Variants in VPS8 observed in about 807,000 individuals in gnomAD.
The protein encoded by VPS8 is vacuolar protein sorting-associated protein 8 homolog.
VPS8 carries 129 observed loss-of-function variants against 216.4 expected under a neutral mutation model. The ratio of observed to expected loss-of-function variants is 0.60; its 90% CI spans 0.52 to 0.69. VPS8 has a LOEUF of 0.69. Ranked by LOEUF, VPS8 falls within the 30% of genes least tolerant of loss-of-function variation. The pLI, the probability that VPS8 is intolerant of heterozygous loss-of-function variation, is 0.00. For missense variants in VPS8, 1,531 were observed against 1,683.5 expected (o/e 0.91, Z 1.59); for synonymous variants, 571 against 565.4 (o/e 1.01, Z -0.14).
At chr3:184,981,940 A>G (rs12496414) in intron 40 of VPS8, among the ~76,000 whole-genome samples, 104,312 of 150,822 alleles carry the variant, frequency 0.69, 38,753 homozygotes, top group East Asian at 0.85. Flanking sequence ...ATAGTGATTA[A>G]CATAATATAA....
intron 21 of VPS8, among the ~76,000 whole-genome samples, chr3:184,871,509 T>G (rs1728346293): frequency 6.6e-6 from 1 of 152,164 alleles, no homozygotes; most frequent in Admixed American, 6.6e-5. Context: ...CAGGCTACAG[T>G]GGTCTCTGTC....
At chr3:185,016,027 C>T (rs1177735350) in intron 45 of VPS8, among the ~76,000 whole-genome samples, 3 of 152,194 alleles carry the variant, frequency 2.0e-5, no homozygotes, top group African/African-American at 7.2e-5. Context: ...TGATTAGCTG[C>T]AGCTCTGCCT....
At position 184,913,642 on chromosome 3, in the gene VPS8, A is replaced by G. The variant is rs78163719; in HGVS notation, c.2189+81A>G. 2.0e-3 allele frequency: 2,316 copies of G among 1,178,880 alleles called. 46 individuals are homozygous for G. In the African/African-American group the frequency reaches 0.032, roughly 16 times the overall value. 73.0% of individuals were successfully genotyped at this position (1,178,880 alleles called of 1,614,324 possible). Reference sequence around the variant, plus strand: ...ATTTTTAGAGATACTATGATCTCTTATCTATATAGTACTTTTAATTTTGCA... The same window carrying G: ...ATTTTTAGAGATACTATGATCTCTTGTCTATATAGTACTTTTAATTTTGCA... On this transcript the variant is annotated intron_variant, in intron 26 of 47. Transcript: ENST00000625842.
intron 45 of VPS8, among the ~76,000 whole-genome samples, chr3:185,008,653 A>G (rs542055169): frequency 6.6e-6 from 1 of 152,288 alleles, no homozygotes; most frequent in Non-Finnish European, 1.5e-5. Flanking sequence ...CAGCCATGTG[A>G]AAAACATTTT....
At chr3:184,884,962 G>A (rs1730942897) in intron 21 of VPS8, among the ~76,000 whole-genome samples, 2 of 152,180 alleles carry the variant, frequency 1.3e-5, no homozygotes, top group Admixed American at 6.5e-5. Flanking sequence ...CTAGCCCACT[G>A]TATTCTCAGT....
chr3:184,919,161 G>A (rs1020684913), intron 28 of VPS8: 2 of 152,322 alleles, frequency 1.3e-5, no homozygotes, highest in Middle Eastern at 3.4e-3. Flanking sequence ...TTAAAGAACA[G>A]TAACTACTCT....
chr3:184,990,594 A>G (rs2109825714), intron 42 of VPS8, among the ~76,000 whole-genome samples: 1 of 152,314 alleles, frequency 6.6e-6, no homozygotes, highest in East Asian at 1.9e-4. Flanking sequence ...CTCATGAGAA[A>G]AGTGCCACTC....
chr3:184,879,221 A>C (rs1483035962), intron 21 of VPS8, among the ~76,000 whole-genome samples: 1 of 152,208 alleles, frequency 6.6e-6, no homozygotes. Flanking sequence ...CTGTCAGCTC[A>C]GTTTTTTATT....
rs572150233 is a variant in VPS8 at position 185,012,276 on chromosome 3, A to G, written c.4003-12060A>G. 1.8e-4 allele frequency among the ~76,000 whole-genome samples: 27 copies of G among 147,814 alleles called. No homozygotes were observed. The East Asian group carries it at 4.5e-3, about 25-fold the overall frequency. On this transcript the variant is annotated intron_variant, in intron 45 of 47. Coordinates refer to ENST00000625842, the MANE Select transcript of VPS8 (RefSeq NM_001009921.3). Reference sequence around the variant, plus strand: ...TATAAATTATAGATATATAATGTACATATATCTATAATTTATATATTATAT... The same window carrying G: ...TATAAATTATAGATATATAATGTACGTATATCTATAATTTATATATTATAT...
chr3:184,824,827 T>C (rs759786780), intron 2 of VPS8, 42 bp downstream of exon 2: 10 of 1,547,634 alleles, frequency 6.5e-6, no homozygotes, highest in Non-Finnish European at 5.3e-6. Context: ...GTTTAACCAG[T>C]GTAGATTAGA....
intron 40 of VPS8, among the ~76,000 whole-genome samples, chr3:184,973,454 G>A (rs1291232028): frequency 6.6e-6 from 1 of 152,004 alleles, no homozygotes; most frequent in Admixed American, 6.6e-5. Context: ...ATATTCGTGG[G>A]GTTAATGTGA....
intron 14 of VPS8, among the ~76,000 whole-genome samples, chr3:184,859,299 T>C (rs1489130336): frequency 6.6e-6 from 1 of 152,216 alleles, no homozygotes; most frequent in Admixed American, 6.5e-5. Context: ...CCATAAACTT[T>C]TATTAAGCAT....
rs1417799285 is a variant in VPS8 at position 184,826,220 on chromosome 3, A to G, written c.211A>G (p.Ile71Val). 2 of 1,609,956 alleles carry G rather than the reference A, an allele frequency of 1.2e-6. No homozygotes were observed. Among genetic ancestry groups the G allele is most frequent in the East Asian group, 2.2e-5 (1 of 44,832 alleles). ...TGATACTCCTCCAACACTGGAAAGC[A>G]TACTAAATGAGGTAAGTGAATATTA... Reference protein sequence around the residue: ...QVDTPPTLESILNETDDEDES... With the variant: ...QVDTPPTLESVLNETDDEDES... Residue 71 changes from isoleucine to valine, a missense_variant, in exon 3 of 48, where the codon ATA (isoleucine) becomes GTA (valine). Coordinates refer to ENST00000625842, the MANE Select transcript of VPS8 (RefSeq NM_001009921.3).
At chr3:185,002,694 C>T (rs1482140281) in intron 45 of VPS8, among the ~76,000 whole-genome samples, 1 of 152,166 alleles carries the variant, frequency 6.6e-6, no homozygotes, top group East Asian at 1.9e-4. Context: ...TAAATGAGAA[C>T]ATAAGATGCT....
At chr3:184,826,524 C>T (rs1156306122) in intron 3 of VPS8, among the ~76,000 whole-genome samples, 2 of 152,206 alleles carry the variant, frequency 1.3e-5, no homozygotes, top group African/African-American at 2.4e-5. Flanking sequence ...TCTTGGACAG[C>T]AGTAGTCTAG....
intron 5 of VPS8, among the ~76,000 whole-genome samples, chr3:184,836,009 A>G (rs1721019845): frequency 1.3e-5 from 2 of 152,108 alleles, no homozygotes; most frequent in Admixed American, 1.3e-4. Flanking sequence ...TCGTCCAGCC[A>G]AGTTTGGATT....
At chr3:184,816,368 C>G (rs1014632768) in intron 1 of VPS8, 2 of 152,166 alleles carry the variant, frequency 1.3e-5, no homozygotes, top group African/African-American at 4.8e-5. Context: ...ACAGGAAGGT[C>G]TTAGGCACTG....
intron 45 of VPS8, among the ~76,000 whole-genome samples, chr3:185,011,468 CAGAA>C (rs1403614028): frequency 1.3e-5 from 2 of 152,214 alleles, no homozygotes; most frequent in Non-Finnish European, 2.9e-5. Flanking sequence ...GAGAAAATCT[CAGAA>C]AGAAGCATGC....
intron 36 of VPS8, among the ~76,000 whole-genome samples, chr3:184,953,620 G>A (rs935446806): frequency 1.3e-5 from 2 of 152,142 alleles, no homozygotes; most frequent in African/African-American, 4.8e-5. Flanking sequence ...TTGTGGTGCA[G>A]GTTTCAGAAA....
Sources: allele counts gnomAD v4.1 joint callset (sites outside exome capture counted in the v4.1 genomes callset), GRCh38; gene constraint gnomAD v4.1.1; transcripts MANE v1.5; gene names NCBI Gene and HGNC (gene_info 2026-07-23, HGNC 2026-07-21).